PSMD7: variants seen among roughly 807,000 people sequenced by gnomAD.
PSMD7 encodes the protein 26S proteasome non-ATPase regulatory subunit 7.
In PSMD7, 13 loss-of-function variants were observed where a neutral mutation model predicts 36.4. The ratio of observed to expected loss-of-function variants is 0.36; its 90% CI spans 0.23 to 0.57. The LOEUF (loss-of-function observed/expected upper bound fraction) is 0.57, where lower values mean the gene tolerates loss of function less well. PSMD7 is among the 20% of genes least tolerant of loss of function. The pLI, the probability that PSMD7 is intolerant of heterozygous loss-of-function variation, is 0.83. For synonymous variants in PSMD7, 186 were observed against 151.0 expected, an observed-to-expected ratio of 1.23 and a Z score of -1.70; for missense variants, 298 against 393.6, an observed-to-expected ratio of 0.76 and a Z score of 2.06.
intron 1 of PSMD7, among the ~76,000 whole-genome samples, chr16:74,299,144 T>G (rs2034136852): frequency 6.6e-6 from 1 of 151,956 alleles, no homozygotes. Flanking sequence ...GTTAAACCAA[T>G]GTGAAACTAG....
chr16:74,302,577 C>G (rs2034164005), intron 5 of PSMD7, among the ~76,000 whole-genome samples: 3 of 151,998 alleles, frequency 2.0e-5, no homozygotes, highest in Admixed American at 1.3e-4. Flanking sequence ...AGCAAGACAC[C>G]TACAAAAATA....
chr16:74,305,869 C>G lies in PSMD7; in HGVS notation c.*136C>G. ...AACAAGAGCTCTCTGCCTCCGGTCA[C>G]TCTTGCTGTGGTGCTACGTGGAAGT... On this transcript the variant is annotated 3_prime_UTR_variant, in exon 7 of 7. Transcript: ENST00000219313. 2 of 1,042,320 alleles carry G rather than the reference C, an allele frequency of 1.9e-6. No individual in the cohort carries two copies. Among genetic ancestry groups the G allele is most frequent in the Admixed American group, 3.6e-5 (1 of 27,882 alleles). 64.6% of individuals were successfully genotyped at this position (1,042,320 alleles called of 1,614,324 possible). A position where few individuals can be genotyped will look rare whatever the true frequency, so the allele number is the denominator to read the frequency against.
At position 74,297,073 on chromosome 16, in the gene PSMD7, G is replaced by C; in HGVS notation, c.74+85G>C. ...TGGAGATGGCGCGGCGGCCGCGGAC[G>C]AGCTGGGGACGCAGATAGGGCGGCT... On this transcript the variant is annotated intron_variant, in intron 1 of 6. Transcript: ENST00000219313. 2.8e-6 allele frequency: 4 copies of C among 1,439,194 alleles called. No individual in the cohort carries two copies. The South Asian group carries it at 3.6e-5, about 13-fold the overall frequency. The allele number at this position is 1,439,194 out of a possible 1,614,324, so 89.2% of individuals were successfully genotyped here.
chr16:74,297,985 G>A (rs1411820837), intron 1 of PSMD7, among the ~76,000 whole-genome samples: 1 of 151,942 alleles, frequency 6.6e-6, no homozygotes. Flanking sequence ...ATATAGATGA[G>A]GTTTCAGTTT....
In PSMD7 at chr16:74,305,667, C is replaced by A; in HGVS notation, c.909C>A (p.Asp303Glu). Residue 303 changes from aspartate (D) to glutamate (E), a missense_variant, in exon 7 of 7, where the codon GAC (aspartate) becomes GAA (glutamate). By Grantham distance (45) the Asp-to-Glu change is conservative. Coordinates refer to ENST00000219313, the MANE Select transcript of PSMD7 (RefSeq NM_002811.5). ...KEESKKDRKE[D>E]KEKDKDKEKS... is the part of the protein sequence containing the mutation. ...AGAGCAAAAAGGATAGGAAAGAGGACAAGGAGAAAGATAAAGATAAGGAAA... is the reference window on the plus strand; with the variant it reads ...AGAGCAAAAAGGATAGGAAAGAGGAAAAGGAGAAAGATAAAGATAAGGAAA... 14 of 1,509,810 alleles carry A rather than the reference C, an allele frequency of 9.3e-6. No individual in the cohort carries two copies. The highest frequency in any genetic ancestry group is 4.3e-5 in the Admixed American group (2 of 46,868). The allele number at this position is 1,509,810 out of a possible 1,614,324, so 93.5% of individuals were successfully genotyped here. A position where few individuals can be genotyped will look rare whatever the true frequency, so the allele number is the denominator to read the frequency against.
intron 5 of PSMD7, among the ~76,000 whole-genome samples, chr16:74,303,825 G>A (rs1447659759): frequency 6.6e-6 from 1 of 151,794 alleles, no homozygotes; most frequent in Non-Finnish European, 1.5e-5. Flanking sequence ...AGGTTCAAGT[G>A]ATTCTCGTTC....
At position 74,304,110 on chromosome 16, in the gene PSMD7, G is replaced by GC. The variant is rs2034177056; in HGVS notation, c.439-192dup. On this transcript the variant is annotated intron_variant, in intron 5 of 6. Transcript: ENST00000219313. ...GTGCCCCAGCAGACTGCATCACTGAGCAGCACCACAGTGATGTTAGCTTTG... is the reference window on the plus strand; with the variant it reads ...GTGCCCCAGCAGACTGCATCACTGAGCCAGCACCACAGTGATGTTAGCTTTG... 5.6e-6 allele frequency: 3 copies of GC among 534,076 alleles called. No homozygotes were observed. The East Asian group carries it at 1.0e-4, about 18-fold the overall frequency. 33.1% of individuals were successfully genotyped at this position (534,076 alleles called of 1,614,324 possible). A position where few individuals can be genotyped will look rare whatever the true frequency, so the allele number is the denominator to read the frequency against.
intron 3 of PSMD7, among the ~76,000 whole-genome samples, 164 bp from the exon 4 acceptor site, chr16:74,301,391 C>T (rs1189113559): frequency 1.3e-5 from 2 of 152,114 alleles, no homozygotes; most frequent in African/African-American, 4.8e-5. Flanking sequence ...AAGAACTATC[C>T]AGTAAAGTCA....
At chr16:74,302,982 G>C (rs1459677782) in intron 5 of PSMD7, among the ~76,000 whole-genome samples, 1 of 152,238 alleles carries the variant, frequency 6.6e-6, no homozygotes, top group African/African-American at 2.4e-5. Flanking sequence ...CCTAATTGCA[G>C]TAGGGCTTTC....
chr16:74,304,251 T>C (rs2142565824), intron 5 of PSMD7, 52 bp from the exon 6 acceptor site: 1 of 1,517,400 alleles, frequency 6.6e-7, no homozygotes, highest in Non-Finnish European at 9.2e-7. Context: ...AAGGAACACA[T>C]GTCAGTTCGT....
At chr16:74,304,629 G>A (rs779730698) in intron 6 of PSMD7, 10 of 408,868 alleles carry the variant, frequency 2.4e-5, no homozygotes, top group Admixed American at 3.9e-5. Context: ...TTATGACTTT[G>A]TGGATAGCAT....
At chr16:74,302,393 A>T (rs1296472104) in intron 5 of PSMD7, 101 bp downstream of exon 5, 9 of 957,032 alleles carry the variant, frequency 9.4e-6, no homozygotes, top group Admixed American at 2.5e-5. Flanking sequence ...TTGTCTCCGT[A>T]ACAAAAGAAG....
At chr16:74,298,236 A>C (rs949362479) in intron 1 of PSMD7, among the ~76,000 whole-genome samples, 89 of 151,638 alleles carry the variant, frequency 5.9e-4, no homozygotes, top group African/African-American at 2.0e-3. Flanking sequence ...AAGGTCATCT[A>C]GTAAGCTCAT....
chr16:74,300,403 A>G, intron 2 of PSMD7, 197 bp downstream of exon 2: 1 of 591,858 alleles, frequency 1.7e-6, no homozygotes, highest in Non-Finnish European at 3.0e-6. Context: ...TGTGGTCTCC[A>G]CTGCACCTGC....
In PSMD7 at chr16:74,300,554, C is replaced by G. The variant is rs554655160; in HGVS notation, c.166+348C>G. The G allele has an allele frequency of 1.9e-3, 613 of 315,908 alleles. 2 individuals carry two copies. The highest frequency in any genetic ancestry group is 2.8e-3 in the Non-Finnish European group (469 of 167,266). 19.6% of individuals were successfully genotyped at this position (315,908 alleles called of 1,614,324 possible). On this transcript the variant is annotated intron_variant, in intron 2 of 6. Transcript: ENST00000219313. ...TGCACTAAACTGTTTAACCACGCTTCTTATAGGTACAGTAAGGAGAGAGAT... is the reference window on the plus strand; with the variant it reads ...TGCACTAAACTGTTTAACCACGCTTGTTATAGGTACAGTAAGGAGAGAGAT...
rs1373896898 is a variant in PSMD7, at chr16:74,305,911, C to G, written c.*178C>G. ...CGTGGAAGTGAATGGAGACTGATCT[C>G]AAATCTGAACTGCAGCTTTCGCTGC... On this transcript the variant is annotated 3_prime_UTR_variant, in exon 7 of 7. Transcript: ENST00000219313. 1.8e-6 allele frequency: 1 copy of G among 566,026 alleles called. No individual in the cohort carries two copies. The highest frequency in any genetic ancestry group is 2.7e-6 in the Non-Finnish European group (1 of 376,108). The allele number at this position is 566,026 out of a possible 1,614,324, so 35.1% of individuals were successfully genotyped here.
rs774437833 is a variant in PSMD7 at position 74,302,225 on chromosome 16, T to C, written c.371T>C (p.Ile124Thr). 3.6e-5 allele frequency: 58 copies of C among 1,613,918 alleles called. 1 individual carries two copies. The highest frequency in any genetic ancestry group is 2.3e-4 in the Admixed American group (14 of 59,966). Residue 124 changes from isoleucine (I) to threonine (T), a missense_variant, in exon 5 of 7, where the codon ATT becomes ACT. Ile to Thr is a moderately conservative substitution (Grantham distance 89). Transcript: ENST00000219313. Reference protein sequence around the residue: ...RYCPNSVLVIIDVKPKDLGLP... With the variant: ...RYCPNSVLVITDVKPKDLGLP... ...TTTCTCTGCCAGGTATTGGTCATCA[T>C]TGATGTGAAGCCGAAGGACCTAGGG...
At chr16:74,297,871 A>T (rs924994121) in intron 1 of PSMD7, among the ~76,000 whole-genome samples, 9 of 152,264 alleles carry the variant, frequency 5.9e-5, no homozygotes, top group Non-Finnish European at 1.3e-4. Context: ...AATCTGGATG[A>T]TGCTCAGCAC....
rs1433038675 is a variant in PSMD7, at chr16:74,306,090, G to T, written c.*357G>T. Reference sequence around the variant, plus strand: ...TGAAAGACTCTTGGGGTCTGTTTCTGGTATTTTACAAAATTGCTAAGTGGA... The same window carrying T: ...TGAAAGACTCTTGGGGTCTGTTTCTTGTATTTTACAAAATTGCTAAGTGGA... On this transcript the variant is annotated 3_prime_UTR_variant, in exon 7 of 7. Transcript: ENST00000219313. The T allele has an allele frequency of 1.2e-5, 2 of 169,038 alleles. No individual in the cohort carries two copies. The highest frequency in any genetic ancestry group is 2.5e-5 in the Non-Finnish European group (2 of 78,880). 10.5% of individuals were successfully genotyped at this position (169,038 alleles called of 1,614,324 possible).
Sources: gnomAD v4.1 joint callset for allele counts (sites outside exome capture counted in the v4.1 genomes callset) on GRCh38, gnomAD v4.1.1 for gene constraint, MANE v1.5 for transcripts, NCBI Gene and HGNC (gene_info 2026-07-23, HGNC 2026-07-21) for gene names.